Variants in XPA observed in about 807,000 individuals in gnomAD.
The protein encoded by XPA is DNA repair protein complementing XP-A cells.
Under a neutral mutation model 35.7 loss-of-function variants are expected in XPA, and 27 were observed. The observed-to-expected ratio is 0.76, with a 90% confidence interval of 0.56 to 1.04. The LOEUF (loss-of-function observed/expected upper bound fraction) is 1.04. XPA is among the 50% of genes least tolerant of loss of function. XPA has a pLI of 0.00. For missense variants in XPA, 354 were observed against 342.7 expected, an observed-to-expected ratio of 1.03 and a Z score of -0.26; for synonymous variants, 133 against 118.4, an observed-to-expected ratio of 1.12 and a Z score of -0.80.
intron 5 of XPA, 116 bp downstream of exon 5, chr9:97,684,807 A>G (rs1310649247): frequency 6.3e-6 from 6 of 952,372 alleles, no homozygotes; most frequent in Non-Finnish European, 1.0e-5. Context: ...ATTTTTTTCA[A>G]CCTCTAAAAA....
the XPA span, chr9:97,662,110 A>C: frequency 6.2e-7 from 1 of 1,613,914 alleles, no homozygotes; most frequent in Non-Finnish European, 8.5e-7. Flanking sequence ...CTTGGCAGCC[A>C]AATCATTCAG....
At chr9:97,666,942 G>A in the XPA span, 6 of 1,183,330 alleles carry the variant, frequency 5.1e-6, no homozygotes, top group Non-Finnish European at 7.1e-6. Context: ...AGAGGATTCA[G>A]AGTTCATTAT....
At chr9:97,681,299 GA>G (rs1268969456) in intron 5 of XPA, among the ~76,000 whole-genome samples, 1 of 151,792 alleles carries the variant, frequency 6.6e-6, no homozygotes, top group African/African-American at 2.4e-5. Context: ...TTAACAGGAG[GA>G]AAAAAAATTA....
At chr9:97,669,790 TAGG>T in the XPA span, 3 of 931,258 alleles carry the variant, frequency 3.2e-6, no homozygotes, top group South Asian at 1.4e-5. Flanking sequence ...TCAAATTTGT[TAGG>T]AGGTTATATA....
Position 97,675,294 on chromosome 9 carries a change from A to G in XPA, c.*145T>C, listed in dbSNP as rs755138230. 8 of 964,126 alleles carry G rather than the reference A, an allele frequency of 8.3e-6. No individual in the cohort carries two copies. Among genetic ancestry groups the G allele is most frequent in the Admixed American group, 2.4e-5 (1 of 41,864 alleles). The allele number at this position is 964,126 out of a possible 1,614,324, so 59.7% of individuals were successfully genotyped here. A position where few individuals can be genotyped will look rare whatever the true frequency, so the allele number is the denominator to read the frequency against. ...AACTTGCTTTTAAGCCATAACATAC[A>G]TAATTATTACTGAAGTATTACTTAT... On this transcript the variant is annotated 3_prime_UTR_variant, in exon 6 of 6. Transcript: ENST00000375128.
chr9:97,687,451 A>G (rs2131397070), intron 3 of XPA, among the ~76,000 whole-genome samples, 190 bp from the exon 4 acceptor site: 1 of 152,346 alleles, frequency 6.6e-6, no homozygotes, highest in South Asian at 2.1e-4. Context: ...TTATTCTGGT[A>G]AGTTACATTA....
chr9:97,663,457 AT>A, the XPA span, among the ~76,000 whole-genome samples: 1 of 152,042 alleles, frequency 6.6e-6, no homozygotes, highest in Non-Finnish European at 1.5e-5. Flanking sequence ...GAAATTATGT[AT>A]TTTTTTGAAT....
chr9:97,654,448 C>A, the XPA span, among the ~76,000 whole-genome samples: 230 of 151,866 alleles, frequency 1.5e-3, no homozygotes, highest in African/African-American at 5.3e-3. Context: ...AATGGAAAAG[C>A]TTGTTTTATT....
the XPA span, chr9:97,661,037 T>C: frequency 1.9e-6 from 3 of 1,613,018 alleles, no homozygotes; most frequent in South Asian, 3.3e-5. Flanking sequence ...TTCTGAAAGA[T>C]GTACCAAATC....
intron 3 of XPA, among the ~76,000 whole-genome samples, chr9:97,689,027 A>G (rs747271230): frequency 5.9e-5 from 9 of 152,206 alleles, no homozygotes; most frequent in Non-Finnish European, 1.3e-4. Flanking sequence ...AAAAAAGGAT[A>G]AAGTCTAGAA....
downstream of XPA, chr9:97,671,189 T>TGCAG (rs1390071859): frequency 6.2e-7 from 1 of 1,606,404 alleles, no homozygotes; most frequent in Non-Finnish European, 8.5e-7. Context: ...TTCTGTGCCC[T>TGCAG]GCAGGCCTAA....
the XPA span, chr9:97,658,623 T>C: frequency 2.6e-6 from 4 of 1,555,878 alleles, no homozygotes; most frequent in Non-Finnish European, 3.5e-6. Context: ...TTTCTGAGGC[T>C]GTTATTTGTA....
chr9:97,675,364 A>C lies in XPA; in HGVS notation c.*75T>G. On this transcript the variant is annotated 3_prime_UTR_variant, in exon 6 of 6. Transcript: ENST00000375128. Reference sequence around the variant, plus strand: ...ATGAAGATGTTGCTTTTTTTTTTGAATTTTGAAAAGGACCAATCTAAATTT... The same window carrying C: ...ATGAAGATGTTGCTTTTTTTTTTGACTTTTGAAAAGGACCAATCTAAATTT... 6.8e-7 allele frequency: 1 copy of C among 1,460,324 alleles called. No individual in the cohort carries two copies. The highest frequency in any genetic ancestry group is 1.3e-5 in the South Asian group (1 of 76,658). The allele number at this position is 1,460,324 out of a possible 1,614,324, so 90.5% of individuals were successfully genotyped here.
At chr9:97,660,846 GGAA>G in the XPA span, 1 of 1,354,826 alleles carries the variant, frequency 7.4e-7, no homozygotes, top group Admixed American at 2.5e-5. Context: ...TATTTTGAAA[GGAA>G]GAATTTAAAA....
the XPA span, chr9:97,660,982 C>G: frequency 6.2e-7 from 1 of 1,612,610 alleles, no homozygotes. Context: ...CTCTGTTTAG[C>G]TGTTGCCTTT....
chr9:97,696,906 C>T (rs899343515), intron 1 of XPA, among the ~76,000 whole-genome samples: 2 of 152,178 alleles, frequency 1.3e-5, no homozygotes, highest in African/African-American at 4.8e-5. Context: ...GTCAGGAGGC[C>T]CGCGTGCGAC....
intron 4 of XPA, 67 bp from the exon 5 acceptor site, chr9:97,685,107 G>A (rs1587744509): frequency 1.5e-6 from 2 of 1,320,048 alleles, no homozygotes; most frequent in African/African-American, 1.4e-5. Flanking sequence ...AGTTATAACT[G>A]TCAAATCCAA....
At chr9:97,681,368 T>C (rs532001762) in intron 5 of XPA, among the ~76,000 whole-genome samples, 1 of 152,226 alleles carries the variant, frequency 6.6e-6, no homozygotes, top group South Asian at 2.1e-4. Flanking sequence ...CTCCATAAAC[T>C]AAAGCAGAGT....
chr9:97,657,405 C>G, the XPA span, among the ~76,000 whole-genome samples: 2 of 152,090 alleles, frequency 1.3e-5, no homozygotes, highest in African/African-American at 4.8e-5. Flanking sequence ...ACTTGGATTG[C>G]TCTGATATTT....
Sources: allele counts gnomAD v4.1 joint callset (sites outside exome capture counted in the v4.1 genomes callset), GRCh38; gene constraint gnomAD v4.1.1; transcripts MANE v1.5; gene names NCBI Gene and HGNC (gene_info 2026-07-23, HGNC 2026-07-21).